Variants in NOL4 observed in about 807,000 individuals in gnomAD.
NOL4 encodes nucleolar protein 4.
NOL4 carries 17 observed loss-of-function variants against 75.9 expected under a neutral mutation model. The ratio of observed to expected loss-of-function variants is 0.22; its 90% confidence interval spans 0.15 to 0.34. NOL4 has a LOEUF of 0.34. NOL4 is among the 10% of genes least tolerant of loss of function. The pLI is 1.00. For synonymous variants in NOL4, 292 were observed against 289.9 expected (o/e 1.01, Z -0.07); for missense variants, 614 against 793.5 (o/e 0.77, Z 2.72).
chr18:34,010,415 G>A (rs1017648661), intron 6 of NOL4, among the ~76,000 whole-genome samples: 6 of 151,688 alleles, frequency 4.0e-5, no homozygotes, highest in Non-Finnish European at 5.9e-5. Context: ...TAGACACTTC[G>A]GTTGATTCCA....
chr18:34,073,490 C>G (rs2077609072), intron 5 of NOL4, among the ~76,000 whole-genome samples: 1 of 151,976 alleles, frequency 6.6e-6, no homozygotes, highest in African/African-American at 2.4e-5. Flanking sequence ...CTTACTTAAA[C>G]TGCCTAATAC....
At chr18:34,059,323 T>C (rs774742070) in intron 5 of NOL4, among the ~76,000 whole-genome samples, 2 of 151,948 alleles carry the variant, frequency 1.3e-5, no homozygotes, top group Non-Finnish European at 2.9e-5. Context: ...CTCACTCTCA[T>C]ATTAAATAAC....
At chr18:34,046,602 T>TATATATATATA (rs1568268549) in intron 5 of NOL4, among the ~76,000 whole-genome samples, 2 of 32,098 alleles carry the variant, frequency 6.2e-5, no homozygotes, top group African/African-American at 2.1e-4. Flanking sequence ...TACTATTTAC[T>TATATATATATA]TATACATATA....
intron 2 of NOL4, chr18:34,128,868 C>T (rs1351761155): frequency 2.0e-6 from 2 of 979,244 alleles, no homozygotes; most frequent in Non-Finnish European, 2.4e-6. Flanking sequence ...AAACTTTGAG[C>T]ATTTCACACA....
chr18:33,957,610 G>T (rs572765671), intron 7 of NOL4, 93 bp from the exon 8 acceptor site: 3 of 1,006,408 alleles, frequency 3.0e-6, no homozygotes, highest in South Asian at 3.9e-5. Flanking sequence ...GGAAAATACT[G>T]TTTTCTGGTT....
At chr18:34,024,181 GAA>G (rs200128545) in intron 5 of NOL4, among the ~76,000 whole-genome samples, 2,632 of 86,970 alleles carry the variant, frequency 0.03, 246 homozygotes, top group African/African-American at 0.095. Flanking sequence ...AAATAAACAG[GAA>G]AAAAAAAAAA....
At chr18:34,036,451 C>A (rs1175364618) in intron 5 of NOL4, among the ~76,000 whole-genome samples, 1 of 152,134 alleles carries the variant, frequency 6.6e-6, no homozygotes, top group Non-Finnish European at 1.5e-5. Flanking sequence ...CATAGAAGGA[C>A]CATACCTCAA....
intron 2 of NOL4, among the ~76,000 whole-genome samples, chr18:34,127,872 T>G (rs1261549486): frequency 6.6e-6 from 1 of 151,768 alleles, no homozygotes; most frequent in Non-Finnish European, 1.5e-5. Context: ...CAGGAAAAGG[T>G]GACAACACTT....
intron 6 of NOL4, among the ~76,000 whole-genome samples, chr18:33,996,627 C>G (rs1401759189): frequency 6.6e-6 from 1 of 151,682 alleles, no homozygotes; most frequent in East Asian, 2.0e-4. Flanking sequence ...CCATGTGTAC[C>G]TAATGCTTAG....
intron 5 of NOL4, among the ~76,000 whole-genome samples, chr18:34,072,361 G>A (rs1477813971): frequency 6.6e-6 from 1 of 152,116 alleles, no homozygotes; most frequent in African/African-American, 2.4e-5. Flanking sequence ...GAGATATTCA[G>A]GGACATCCCA....
At chr18:34,144,440 C>G (rs62095782) in intron 1 of NOL4, among the ~76,000 whole-genome samples, 1 of 152,054 alleles carries the variant, frequency 6.6e-6, no homozygotes, top group East Asian at 1.9e-4. Flanking sequence ...AAAAAACTAA[C>G]TCATCTAATG....
chr18:33,990,715 C>T (rs1436771693), intron 6 of NOL4, among the ~76,000 whole-genome samples: 1 of 151,970 alleles, frequency 6.6e-6, no homozygotes, highest in Non-Finnish European at 1.5e-5. Flanking sequence ...TGTCCACTTC[C>T]CAGAATTTAA....
intron 10 of NOL4, among the ~76,000 whole-genome samples, chr18:33,879,938 C>T (rs929193525): frequency 2.6e-5 from 4 of 152,002 alleles, no homozygotes; most frequent in African/African-American, 7.2e-5. Flanking sequence ...TTAATATATA[C>T]TGTCAAATTC....
chr18:34,143,093 G>C (rs954615702), intron 1 of NOL4, among the ~76,000 whole-genome samples: 3 of 151,906 alleles, frequency 2.0e-5, no homozygotes, highest in Non-Finnish European at 4.4e-5. Context: ...GGGAAGGGAA[G>C]GGAAGCGAAG....
At chr18:33,882,005 T>C (rs1369458071) in intron 10 of NOL4, among the ~76,000 whole-genome samples, 2 of 152,270 alleles carry the variant, frequency 1.3e-5, no homozygotes, top group African/African-American at 2.4e-5. Context: ...TAGCCATATG[T>C]AGAAAGCTGA....
chr18:33,863,279 G>C (rs1342134188), intron 10 of NOL4, among the ~76,000 whole-genome samples: 2 of 152,208 alleles, frequency 1.3e-5, no homozygotes, highest in East Asian at 1.9e-4. Flanking sequence ...TGTGGGGTAG[G>C]GGAAGGGGGG....
intron 8 of NOL4, among the ~76,000 whole-genome samples, chr18:33,952,599 G>C (rs945254587): frequency 6.6e-6 from 1 of 152,268 alleles, no homozygotes; most frequent in African/African-American, 2.4e-5. Context: ...AGTTTCAAAA[G>C]GTCATACGCT....
intron 5 of NOL4, among the ~76,000 whole-genome samples, chr18:34,062,969 A>G (rs2077127206): frequency 6.6e-6 from 1 of 152,150 alleles, no homozygotes; most frequent in Non-Finnish European, 1.5e-5. Context: ...ACTTTATATC[A>G]TAGAATTACG....
At chr18:33,980,457 C>T (rs758728053) in intron 6 of NOL4, among the ~76,000 whole-genome samples, 5 of 151,940 alleles carry the variant, frequency 3.3e-5, no homozygotes, top group African/African-American at 4.8e-5. Context: ...CATGCCAGAG[C>T]ATTCTGTTCT....
Sources: gnomAD v4.1 joint callset for allele counts (sites outside exome capture counted in the v4.1 genomes callset) on GRCh38, gnomAD v4.1.1 for gene constraint, MANE v1.5 for transcripts, NCBI Gene and HGNC (gene_info 2026-07-23, HGNC 2026-07-21) for gene names.